The following PALM2AKAP2 variants were observed in gnomAD, a reference collection of about 807,000 sequenced individuals.
The protein encoded by PALM2AKAP2 is PALM2-AKAP2 fusion protein.
Under a neutral mutation model 71.5 loss-of-function variants are expected in PALM2AKAP2, and 37 were observed. That is an observed-to-expected ratio of 0.52 (90% CI 0.40 to 0.68). The LOEUF (loss-of-function observed/expected upper bound fraction) is 0.68, where lower values mean the gene tolerates loss of function less well. PALM2AKAP2 is among the 30% of genes least tolerant of loss of function. PALM2AKAP2 has a pLI of 0.00. For missense variants in PALM2AKAP2, 1,224 were observed against 1,191.8 expected (o/e 1.03, Z -0.40); for synonymous variants, 468 against 478.8 (o/e 0.98, Z 0.29).
intron 1 of PALM2AKAP2, among the ~76,000 whole-genome samples, chr9:109,759,477 A>C (rs1011979737): frequency 2.0e-5 from 3 of 152,166 alleles, no homozygotes; most frequent in Admixed American, 2.0e-4. Context: ...TCATAATATA[A>C]GACCTTTTAG....
At chr9:109,841,515 T>TTA (rs1554719649) in intron 1 of PALM2AKAP2, among the ~76,000 whole-genome samples, 1 of 18,698 alleles carries the variant, frequency 5.3e-5, no homozygotes, top group Non-Finnish European at 9.3e-5. Context: ...TAAAGTATAA[T>TTA]AAAAAAAAAA....
chr9:110,098,354 C>A (rs2118850983), intron 1 of PALM2AKAP2, among the ~76,000 whole-genome samples: 1 of 152,218 alleles, frequency 6.6e-6, no homozygotes, highest in African/African-American at 2.4e-5. Context: ...ATACTTAAAG[C>A]CATGTTACCT....
intron 1 of PALM2AKAP2, among the ~76,000 whole-genome samples, chr9:109,855,889 AT>A (rs1443617962): frequency 2.6e-5 from 4 of 152,178 alleles, no homozygotes; most frequent in African/African-American, 4.8e-5. Flanking sequence ...GAAAATTATC[AT>A]TTTTTTAACC....
At chr9:109,741,196 G>C (rs1488770052) in intron 1 of PALM2AKAP2, among the ~76,000 whole-genome samples, 1 of 152,052 alleles carries the variant, frequency 6.6e-6, no homozygotes, top group Admixed American at 6.6e-5. Context: ...TCACTATTCT[G>C]GAACTTTGTA....
At chr9:110,100,507 TG>T (rs1396438288) in intron 1 of PALM2AKAP2, among the ~76,000 whole-genome samples, 1 of 151,932 alleles carries the variant, frequency 6.6e-6, no homozygotes, top group East Asian at 1.9e-4. Flanking sequence ...TTTGTGTACA[TG>T]GGGTGAGGTA....
intron 6 of PALM2AKAP2, among the ~76,000 whole-genome samples, chr9:109,941,865 G>A (rs1471259310): frequency 6.6e-6 from 1 of 152,196 alleles, no homozygotes; most frequent in Non-Finnish European, 1.5e-5. Flanking sequence ...TAGGGAAGAG[G>A]AAGTGAATGT....
chr9:109,647,696 G>T (rs1184596544), intron 1 of PALM2AKAP2, among the ~76,000 whole-genome samples: 1 of 152,170 alleles, frequency 6.6e-6, no homozygotes, highest in Non-Finnish European at 1.5e-5. Flanking sequence ...CTGTGCTCTT[G>T]CTCTGTCTAC....
chr9:109,875,304 G>A (rs1367969067), intron 2 of PALM2AKAP2, among the ~76,000 whole-genome samples: 1 of 152,112 alleles, frequency 6.6e-6, no homozygotes, highest in African/African-American at 2.4e-5. Context: ...TCCTCCCCTG[G>A]TCCCTCTTTG....
At chr9:109,889,160 T>G (rs552602481) in intron 3 of PALM2AKAP2, among the ~76,000 whole-genome samples, 1 of 152,356 alleles carries the variant, frequency 6.6e-6, no homozygotes, top group Admixed American at 6.5e-5. Flanking sequence ...AGGCTTCTCT[T>G]ATGCACTGAG....
chr9:109,798,546 C>T (rs921366698), intron 1 of PALM2AKAP2, among the ~76,000 whole-genome samples: 29 of 152,180 alleles, frequency 1.9e-4, no homozygotes, highest in South Asian at 2.1e-4. Context: ...AGGCATAGAA[C>T]CACATTTCAC....
intron 1 of PALM2AKAP2, among the ~76,000 whole-genome samples, chr9:110,135,164 AATATAT>A (rs1169795541): frequency 1.4e-4 from 7 of 51,718 alleles, no homozygotes; most frequent in East Asian, 2.5e-3. Flanking sequence ...AAAAAAAAAA[AATATAT>A]AAATATATAT....
chr9:109,756,857 A>C (rs1311791649), intron 1 of PALM2AKAP2, among the ~76,000 whole-genome samples: 2 of 152,106 alleles, frequency 1.3e-5, no homozygotes, highest in African/African-American at 2.4e-5. Context: ...TGATGAGTAC[A>C]TATTTATAGG....
chr9:109,863,309 G>A (rs911688203), intron 1 of PALM2AKAP2, among the ~76,000 whole-genome samples: 1 of 152,206 alleles, frequency 6.6e-6, no homozygotes, highest in Non-Finnish European at 1.5e-5. Context: ...AAACTGGCCA[G>A]CAGAATCAAC....
chr9:109,746,014 C>T (rs147104282), intron 1 of PALM2AKAP2, among the ~76,000 whole-genome samples: 3 of 152,292 alleles, frequency 2.0e-5, no homozygotes, highest in Admixed American at 6.5e-5. Flanking sequence ...GCAGGTTTGC[C>T]GTGAAGTGTG....
At chr9:110,100,051 CTATATATATA>C (rs71373968) in intron 1 of PALM2AKAP2, among the ~76,000 whole-genome samples, 2,802 of 109,472 alleles carry the variant, frequency 0.026, 121 homozygotes, top group African/African-American at 0.084. Flanking sequence ...GTATGTGTGT[CTATATATATA>C]TATATATATA....
At chr9:109,775,138 T>C (rs80041947) in intron 1 of PALM2AKAP2, among the ~76,000 whole-genome samples, 2,194 of 152,354 alleles carry the variant, frequency 0.014, 63 homozygotes, top group African/African-American at 0.05. Flanking sequence ...TCTAACCATT[T>C]GGCTCTAATT....
At chr9:109,957,864 A>C (rs902039190) in intron 6 of PALM2AKAP2, among the ~76,000 whole-genome samples, 182 of 152,358 alleles carry the variant, frequency 1.2e-3, no homozygotes, top group African/African-American at 4.3e-3. Context: ...TGGAAACAGC[A>C]GCACACGGGT....
At chr9:109,856,029 C>G (rs1829155269) in intron 1 of PALM2AKAP2, among the ~76,000 whole-genome samples, 1 of 152,130 alleles carries the variant, frequency 6.6e-6, no homozygotes, top group African/African-American at 2.4e-5. Context: ...ATATAGCTAA[C>G]AAGAGGAAAA....
chr9:110,106,264 A>G (rs1294322144), intron 1 of PALM2AKAP2, among the ~76,000 whole-genome samples: 1 of 152,344 alleles, frequency 6.6e-6, no homozygotes, highest in South Asian at 2.1e-4. Flanking sequence ...ACTCCCACAC[A>G]ATGAGAACTT....
Sources: gnomAD v4.1 joint callset for allele counts (sites outside exome capture counted in the v4.1 genomes callset) on GRCh38, gnomAD v4.1.1 for gene constraint, MANE v1.5 for transcripts, NCBI Gene and HGNC (gene_info 2026-07-23, HGNC 2026-07-21) for gene names.